The following FHIT variants were observed in gnomAD, a reference collection of about 807,000 sequenced individuals.
The protein encoded by FHIT is fragile histidine triad diadenosine triphosphatase, also known as bis(5'-adenosyl)-triphosphatase.
In FHIT, 19 loss-of-function variants were observed where a neutral mutation model predicts 17.9. The ratio of observed to expected loss-of-function variants is 1.06; its 90% CI spans 0.74 to 1.56. The LOEUF (loss-of-function observed/expected upper bound fraction) is 1.56. FHIT is among the 40% of genes most tolerant of loss of function. The pLI is 0.00. For missense variants in FHIT, 248 were observed against 189.2 expected, an observed-to-expected ratio of 1.31 and a Z score of -1.82; for synonymous variants, 81 against 69.7, an observed-to-expected ratio of 1.16 and a Z score of -0.81.
intron 7 of FHIT, among the ~76,000 whole-genome samples, chr3:59,994,946 AT>A (rs1699444985): frequency 2.0e-5 from 3 of 152,042 alleles, no homozygotes; most frequent in Admixed American, 2.0e-4. Context: ...TGCCTAACAA[AT>A]GTTCTTGTGG....
chr3:60,218,331 C>T (rs759049280), intron 5 of FHIT, among the ~76,000 whole-genome samples: 2 of 152,072 alleles, frequency 1.3e-5, no homozygotes, highest in Non-Finnish European at 2.9e-5. Context: ...AGTAATGTTG[C>T]TACCTTAGAA....
At chr3:60,709,479 G>T (rs2041460690) in intron 4 of FHIT, among the ~76,000 whole-genome samples, 2 of 152,142 alleles carry the variant, frequency 1.3e-5, no homozygotes, top group African/African-American at 4.8e-5. Context: ...TTGCAGAGTA[G>T]AACCCGAAAC....
intron 2 of FHIT, among the ~76,000 whole-genome samples, chr3:61,144,527 T>A (rs1439033653): frequency 6.6e-6 from 1 of 152,222 alleles, no homozygotes; most frequent in Admixed American, 6.5e-5. Context: ...TTTGTGTGGA[T>A]ATGTTTTTAA....
At chr3:60,432,126 C>G (rs894323471) in intron 5 of FHIT, among the ~76,000 whole-genome samples, 8 of 152,056 alleles carry the variant, frequency 5.3e-5, no homozygotes, top group Non-Finnish European at 1.0e-4. Flanking sequence ...CAGGTACATG[C>G]CACCATGCCC....
intron 5 of FHIT, 45 bp downstream of exon 5, chr3:60,536,815 A>C: frequency 6.4e-7 from 1 of 1,559,260 alleles, no homozygotes; most frequent in Non-Finnish European, 8.6e-7. Flanking sequence ...GGTTAGGCTC[A>C]GAAGACTTTT....
chr3:60,362,763 T>C (rs560192942), intron 5 of FHIT, among the ~76,000 whole-genome samples: 6 of 152,306 alleles, frequency 3.9e-5, no homozygotes, highest in East Asian at 3.9e-4. Context: ...GTGGATCAGA[T>C]TGCCTTCCTT....
At chr3:60,629,010 G>A (rs143918834) in intron 4 of FHIT, among the ~76,000 whole-genome samples, 1 of 152,054 alleles carries the variant, frequency 6.6e-6, no homozygotes, top group Non-Finnish European at 1.5e-5. Context: ...GGGGACTGGG[G>A]CCTCAATATT....
At chr3:60,646,278 C>CA (rs2039854434) in intron 4 of FHIT, among the ~76,000 whole-genome samples, 1 of 151,990 alleles carries the variant, frequency 6.6e-6, no homozygotes, top group African/African-American at 2.4e-5. Context: ...TAAAAAATTA[C>CA]TTATATATAT....
At chr3:60,652,886 G>C (rs1200035790) in intron 4 of FHIT, among the ~76,000 whole-genome samples, 1 of 151,430 alleles carries the variant, frequency 6.6e-6, no homozygotes, top group Non-Finnish European at 1.5e-5. Flanking sequence ...CTCCAGCCTG[G>C]GCAACAGAGT....
chr3:60,821,096 C>G (rs1553739226), intron 4 of FHIT, among the ~76,000 whole-genome samples: 1 of 152,016 alleles, frequency 6.6e-6, no homozygotes, highest in African/African-American at 2.4e-5. Context: ...CTGCCTCAGC[C>G]TCCTGAGTAG....
At chr3:60,748,160 G>A (rs1261715745) in intron 4 of FHIT, among the ~76,000 whole-genome samples, 1 of 152,178 alleles carries the variant, frequency 6.6e-6, no homozygotes, top group Non-Finnish European at 1.5e-5. Flanking sequence ...AGCCTTATTA[G>A]AGAGTGGGAG....
intron 1 of FHIT, among the ~76,000 whole-genome samples, chr3:61,236,788 C>T (rs559392892): frequency 6.6e-6 from 1 of 152,342 alleles, no homozygotes; most frequent in East Asian, 1.9e-4. Context: ...TGACAGCAGA[C>T]TGTCCTCCCT....
chr3:60,695,662 G>T (rs1198988433), intron 4 of FHIT, among the ~76,000 whole-genome samples: 1 of 152,066 alleles, frequency 6.6e-6, no homozygotes. Context: ...TCCCTAACAA[G>T]AGTTCAACAT....
chr3:60,293,927 G>T (rs1559796017), intron 5 of FHIT, among the ~76,000 whole-genome samples: 1 of 152,150 alleles, frequency 6.6e-6, no homozygotes, highest in African/African-American at 2.4e-5. Context: ...AATGAGAACT[G>T]TGCCTCAGGA....
chr3:59,964,751 T>G (rs930588076), intron 7 of FHIT, among the ~76,000 whole-genome samples: 2 of 152,192 alleles, frequency 1.3e-5, no homozygotes, highest in Non-Finnish European at 2.9e-5. Flanking sequence ...CACATAAATC[T>G]TAATTCTAAT....
chr3:60,954,883 G>C (rs1236253771), intron 3 of FHIT, among the ~76,000 whole-genome samples: 1 of 152,054 alleles, frequency 6.6e-6, no homozygotes, highest in Non-Finnish European at 1.5e-5. Context: ...CCCTCACTTG[G>C]CTCAAAATAC....
chr3:60,427,613 A>G (rs1321824365), intron 5 of FHIT, among the ~76,000 whole-genome samples: 4 of 151,926 alleles, frequency 2.6e-5, no homozygotes, highest in African/African-American at 9.7e-5. Flanking sequence ...TTGATCCAAC[A>G]CCTAAATGTG....
intron 3 of FHIT, among the ~76,000 whole-genome samples, chr3:60,863,280 C>A (rs1214983105): frequency 6.6e-6 from 1 of 152,168 alleles, no homozygotes; most frequent in East Asian, 1.9e-4. Context: ...CAAATTCTGT[C>A]AATAACCTGA....
chr3:60,490,642 T>A (rs532977429), intron 5 of FHIT, among the ~76,000 whole-genome samples: 1 of 151,492 alleles, frequency 6.6e-6, no homozygotes, highest in Non-Finnish European at 1.5e-5. Flanking sequence ...AGGCAGTAAT[T>A]TCATTATCAT....
Sources: gnomAD v4.1 joint callset for allele counts (sites outside exome capture counted in the v4.1 genomes callset) on GRCh38, gnomAD v4.1.1 for gene constraint, MANE v1.5 for transcripts, NCBI Gene and HGNC (gene_info 2026-07-23, HGNC 2026-07-21) for gene names.